The following LTBP1 variants were observed in gnomAD, a reference collection of about 807,000 sequenced individuals.
LTBP1 encodes the protein latent-transforming growth factor beta-binding protein 1.
LTBP1 carries 129 observed loss-of-function variants against 207.6 expected under a neutral mutation model. The ratio of observed to expected loss-of-function variants is 0.62; its 90% CI spans 0.54 to 0.72. The LOEUF is 0.72. Ranked by LOEUF, LTBP1 falls within the 30% of genes least tolerant of loss-of-function variation. The pLI, the probability that LTBP1 is intolerant of heterozygous loss-of-function variation, is 0.00. For synonymous variants in LTBP1, 963 were observed against 833.7 expected, an observed-to-expected ratio of 1.16 and a Z score of -2.67; for missense variants, 2,281 against 2,217.2, an observed-to-expected ratio of 1.03 and a Z score of -0.58.
chr2:32,987,753 C>T (rs1683815247), intron 2 of LTBP1, among the ~76,000 whole-genome samples: 1 of 152,176 alleles, frequency 6.6e-6, no homozygotes, highest in African/African-American at 2.4e-5. Flanking sequence ...TGCTGTGCCA[C>T]ATCCATGCAT....
rs764421768 is a variant in LTBP1 at position 33,217,663 on chromosome 2, T to A, written c.1804+9T>A. The A allele has an allele frequency of 6.3e-7, 1 of 1,594,882 alleles. No homozygotes were observed. Among genetic ancestry groups the A allele is most frequent in the Non-Finnish European group, 8.6e-7 (1 of 1,163,238 alleles). ...ATGCCCCAAGAAACCATGTAAGTAA[T>A]GTTTCCTCACTCCTTTGCAGGTTAA... On this transcript the variant is annotated intron_variant, in intron 8 of 33. Transcript: ENST00000404816.
At chr2:33,275,414 A>T (rs896586174) in intron 17 of LTBP1, among the ~76,000 whole-genome samples, 12 of 152,136 alleles carry the variant, frequency 7.9e-5, no homozygotes, top group African/African-American at 2.4e-4. Flanking sequence ...GCCAGGCGCC[A>T]TGGCCCACAC....
chr2:33,227,037 T>A (rs1275928014), intron 9 of LTBP1, among the ~76,000 whole-genome samples: 1 of 149,560 alleles, frequency 6.7e-6, no homozygotes, highest in Non-Finnish European at 1.5e-5. Flanking sequence ...TTTTACCTTT[T>A]TTTTTTGTCT....
intron 3 of LTBP1, among the ~76,000 whole-genome samples, chr2:33,091,507 T>C (rs2079088588): frequency 1.3e-5 from 2 of 152,192 alleles, no homozygotes; most frequent in Non-Finnish European, 2.9e-5. Context: ...ACATCTGTAC[T>C]CTCTTCACTA....
chr2:33,128,961 G>A (rs887112736), intron 4 of LTBP1, among the ~76,000 whole-genome samples: 1 of 152,202 alleles, frequency 6.6e-6, no homozygotes, highest in Non-Finnish European at 1.5e-5. Flanking sequence ...GAACAGAGAA[G>A]GGATTGCCAG....
At chr2:33,145,447 G>A (rs1274370990) in intron 5 of LTBP1, among the ~76,000 whole-genome samples, 8 of 152,188 alleles carry the variant, frequency 5.3e-5, no homozygotes, top group Non-Finnish European at 1.0e-4. Flanking sequence ...AGGAAAACTT[G>A]TTGTTAGAGT....
chr2:33,184,526 A>G (rs981264883), intron 5 of LTBP1, among the ~76,000 whole-genome samples: 7 of 152,094 alleles, frequency 4.6e-5, no homozygotes, highest in African/African-American at 1.7e-4. Flanking sequence ...ACTTATCCTA[A>G]ATGATCTCTG....
rs79073585 is a variant in LTBP1, at chr2:32,986,303, G to C, written c.566-34606G>C. 1.0e-2 allele frequency among the ~76,000 whole-genome samples: 1,521 copies of C among 152,276 alleles called. 26 individuals are homozygous for C. The highest frequency in any genetic ancestry group is 0.035 in the African/African-American group (1,446 of 41,540). On this transcript the variant is annotated intron_variant, in intron 2 of 33. Coordinates refer to ENST00000404816, the MANE Select transcript of LTBP1 (RefSeq NM_206943.4). ...ATGCAGAGGCAGCCGGGGCTGAGGG[G>C]AATGGATGTGTGCAAGGTGTGGTGG... is the stretch of plus-strand genomic sequence containing the variant.
chr2:33,147,037 A>C (rs966884465), intron 5 of LTBP1, among the ~76,000 whole-genome samples: 1 of 152,232 alleles, frequency 6.6e-6, no homozygotes. Context: ...AAATGTTTAC[A>C]GGGTAGGATA....
rs1309804075 is a variant in LTBP1, at chr2:33,126,101, T to C, written c.1034-8692T>C. 2.0e-5 allele frequency among the ~76,000 whole-genome samples: 3 copies of C among 152,238 alleles called. No individual in the cohort carries two copies. In the South Asian group the frequency reaches 6.2e-4, roughly 32 times the overall value. The stretch of plus-strand genomic sequence containing the variant: ...ATGAGTGAGTGTCTCCTTAGACTGC[T>C]TGAGTATTCCCGTAGCATGGGAGTT... On this transcript the variant is annotated intron_variant, in intron 4 of 33. Transcript: ENST00000404816.
Position 33,334,184 on chromosome 2 carries a change from A to T in LTBP1, c.3731-8654A>T, listed in dbSNP as rs749713994. 7.8e-4 allele frequency among the ~76,000 whole-genome samples: 119 copies of T among 152,250 alleles called. 2 individuals carry two copies. The highest frequency in any genetic ancestry group is 2.6e-4 in the Admixed American group (4 of 15,290). ...CTGATGGAGTAAACACAGCATGCGT[A>T]GATAAGTCAAGAACCTTGGCTGTTA... On this transcript the variant is annotated intron_variant, in intron 24 of 33. Coordinates refer to ENST00000404816, the MANE Select transcript of LTBP1 (RefSeq NM_206943.4).
intron 24 of LTBP1, among the ~76,000 whole-genome samples, chr2:33,324,499 T>C (rs2094400791): frequency 6.6e-6 from 1 of 152,002 alleles, no homozygotes; most frequent in Non-Finnish European, 1.5e-5. Context: ...CCTCCACCAA[T>C]GAAAAGGAAT....
intron 24 of LTBP1, among the ~76,000 whole-genome samples, chr2:33,329,989 A>G (rs758402412): frequency 1.1e-4 from 16 of 152,038 alleles, no homozygotes; most frequent in Non-Finnish European, 1.8e-4. Flanking sequence ...ATTTTACAGT[A>G]TTTAGTCATC....
intron 11 of LTBP1, among the ~76,000 whole-genome samples, 164 bp from the exon 12 acceptor site, chr2:33,257,120 C>T (rs764783285): frequency 6.6e-6 from 1 of 151,694 alleles, no homozygotes; most frequent in East Asian, 1.9e-4. Context: ...GCAAGTTTAT[C>T]AGAAATTCGA....
intron 2 of LTBP1, among the ~76,000 whole-genome samples, chr2:32,988,908 A>G (rs1175663068): frequency 1.3e-5 from 2 of 151,590 alleles, no homozygotes; most frequent in African/African-American, 2.4e-5. Context: ...GTAATATTGC[A>G]TAATTTATCC....
At chr2:33,205,635 A>T (rs2089800339) in intron 7 of LTBP1, among the ~76,000 whole-genome samples, 1 of 152,080 alleles carries the variant, frequency 6.6e-6, no homozygotes, top group East Asian at 1.9e-4. Context: ...AAAGGACCAC[A>T]CTCATTCCCT....
chr2:33,222,030 C>A, intron 8 of LTBP1, 50 bp from the exon 9 acceptor site: 1 of 1,362,128 alleles, frequency 7.3e-7, no homozygotes, highest in Non-Finnish European at 1.1e-6. Flanking sequence ...TTACACTAGT[C>A]TAAGATTGTA....
intron 2 of LTBP1, among the ~76,000 whole-genome samples, chr2:32,995,766 G>C (rs1427518055): frequency 2.0e-5 from 3 of 152,162 alleles, no homozygotes; most frequent in Non-Finnish European, 4.4e-5. Context: ...TCCAGCCTGG[G>C]CAACAGAGCG....
chr2:33,279,881 G>A (rs568450496), intron 18 of LTBP1, among the ~76,000 whole-genome samples, 158 bp from the exon 19 acceptor site: 29 of 152,312 alleles, frequency 1.9e-4, no homozygotes, highest in Non-Finnish European at 2.8e-4. Context: ...TTATTGCCAT[G>A]TATTTAAGTA....
Sources: gnomAD v4.1 joint callset for allele counts (sites outside exome capture counted in the v4.1 genomes callset) on GRCh38, gnomAD v4.1.1 for gene constraint, MANE v1.5 for transcripts, NCBI Gene and HGNC (gene_info 2026-07-23, HGNC 2026-07-21) for gene names.